FNIP1: variants seen among roughly 807,000 people sequenced by gnomAD.
The protein encoded by FNIP1 is folliculin-interacting protein 1.
In FNIP1, 40 loss-of-function variants were observed where a neutral mutation model predicts 124.5. That is an observed-to-expected ratio of 0.32 (90% CI 0.25 to 0.42). The LOEUF is 0.42. Ranked by LOEUF, FNIP1 falls within the 10% of genes least tolerant of loss-of-function variation. The probability of loss-of-function intolerance (pLI) is 1.00; values close to 1 mark genes in which losing one functional copy is unlikely to be tolerated. For missense variants in FNIP1, 1,176 were observed against 1,403.7 expected (o/e 0.84, Z 2.59); for synonymous variants, 472 against 470.6 (o/e 1.00, Z -0.04).
intron 3 of FNIP1, among the ~76,000 whole-genome samples, chr5:131,725,766 T>C (rs1033308329): frequency 1.3e-5 from 2 of 152,198 alleles, no homozygotes; most frequent in Non-Finnish European, 2.9e-5. Flanking sequence ...GATATCCTTA[T>C]CTTGTGCTGG....
intron 11 of FNIP1, among the ~76,000 whole-genome samples, chr5:131,693,032 A>T (rs1246417012): frequency 1.3e-5 from 2 of 151,092 alleles, no homozygotes; most frequent in African/African-American, 2.4e-5. Context: ...AAAAAAAAAA[A>T]TTTCAGGGCT....
rs1464608530 is a variant in FNIP1 at position 131,796,938 on chromosome 5, C to A, written c.-17G>T. ...AGGGGCCATGCTAGCCACGGCCAGGCAGGGGTCGCTCCGCTGGGCGCTTGC... is the reference window on the plus strand; with the variant it reads ...AGGGGCCATGCTAGCCACGGCCAGGAAGGGGTCGCTCCGCTGGGCGCTTGC... On this transcript the variant is annotated 5_prime_UTR_variant, in exon 1 of 18. Transcript: ENST00000510461. 8 of 1,587,932 alleles carry A rather than the reference C, an allele frequency of 5.0e-6. No homozygotes were observed. In the Admixed American group the frequency reaches 1.4e-4, roughly 28 times the overall value.
At chr5:131,774,869 G>C (rs1023530989) in intron 1 of FNIP1, among the ~76,000 whole-genome samples, 2 of 152,164 alleles carry the variant, frequency 1.3e-5, no homozygotes, top group Admixed American at 6.5e-5. Flanking sequence ...TCTAAAGTCA[G>C]ACATATGATA....
At chr5:131,736,815 G>C (rs1257741030) in intron 2 of FNIP1, among the ~76,000 whole-genome samples, 1 of 152,126 alleles carries the variant, frequency 6.6e-6, no homozygotes, top group Non-Finnish European at 1.5e-5. Context: ...CTGAATTTTT[G>C]CTGTATTGTG....
At chr5:131,764,506 T>C (rs1179150496) in intron 1 of FNIP1, among the ~76,000 whole-genome samples, 3 of 152,056 alleles carry the variant, frequency 2.0e-5, no homozygotes, top group Non-Finnish European at 2.9e-5. Flanking sequence ...GGTTTCGCCA[T>C]GTTGCCCAGG....
chr5:131,786,243 CTTCT>C (rs1427026889), intron 1 of FNIP1, among the ~76,000 whole-genome samples: 1 of 152,094 alleles, frequency 6.6e-6, no homozygotes, highest in Admixed American at 6.6e-5. Context: ...TATTGAATGC[CTTCT>C]TTGAGCTGGA....
At chr5:131,779,200 T>C (rs1447478843) in intron 1 of FNIP1, among the ~76,000 whole-genome samples, 1 of 150,038 alleles carries the variant, frequency 6.7e-6, no homozygotes, top group Non-Finnish European at 1.5e-5. Context: ...ATATGGAACA[T>C]TCTATAGACA....
At position 131,754,273 on chromosome 5, in the gene FNIP1, A is replaced by T. The variant is rs1440127242; in HGVS notation, c.93-9583T>A. On this transcript the variant is annotated intron_variant, in intron 1 of 17. Coordinates refer to ENST00000510461, the MANE Select transcript of FNIP1 (RefSeq NM_133372.3). The stretch of plus-strand genomic sequence containing the variant: ...TACCATGAAATGCTCAGTCTAACAG[A>T]AAAGACAGACAAATGATTTTATCAA... 3.9e-5 allele frequency among the ~76,000 whole-genome samples: 6 copies of T among 152,268 alleles called. No individual in the cohort carries two copies. The East Asian group carries it at 1.2e-3, about 29-fold the overall frequency.
chr5:131,650,975 C>T (rs1468344180), intron 16 of FNIP1, among the ~76,000 whole-genome samples: 1 of 152,128 alleles, frequency 6.6e-6, no homozygotes, highest in African/African-American at 2.4e-5. Flanking sequence ...CATGACTATA[C>T]TACACATGAT....
In FNIP1 at chr5:131,696,993, C is replaced by T. The variant is rs79481772; in HGVS notation, c.1202+1924G>A. 4.7e-3 allele frequency among the ~76,000 whole-genome samples: 709 copies of T among 152,142 alleles called. 9 individuals carry two copies. Among genetic ancestry groups the T allele is most frequent in the African/African-American group, 0.016 (669 of 41,534 alleles). On this transcript the variant is annotated intron_variant, in intron 11 of 17. Transcript: ENST00000510461. ...TCAATTTAAATCTACCACTCTTTAG[C>T]TCAGTTTTAAAAATGTTTTATATAT... is the stretch of plus-strand genomic sequence containing the variant.
chr5:131,796,576 G>T lies in FNIP1; in HGVS notation c.92+254C>A, dbSNP rs1438633917. On this transcript the variant is annotated intron_variant, in intron 1 of 17. Coordinates refer to ENST00000510461, the MANE Select transcript of FNIP1 (RefSeq NM_133372.3). ...CGGAGGAGCAGAGTCGCGCGTGGCT[G>T]GGGGCAGGTCGTAAACAAACCGACG... The T allele has an allele frequency of 7.5e-6, 4 of 531,208 alleles. No homozygotes were observed. The East Asian group carries it at 1.3e-4, about 18-fold the overall frequency. The allele number at this position is 531,208 out of a possible 1,614,324, so 32.9% of individuals were successfully genotyped here.
intron 15 of FNIP1, 128 bp downstream of exon 15, chr5:131,670,334 TA>T: frequency 1.4e-6 from 1 of 738,962 alleles, no homozygotes; most frequent in Non-Finnish European, 2.1e-6. Context: ...GCACTGAATA[TA>T]AAATGATGGA....
At chr5:131,753,056 G>A (rs2149566823) in intron 1 of FNIP1, among the ~76,000 whole-genome samples, 1 of 152,290 alleles carries the variant, frequency 6.6e-6, no homozygotes, top group Admixed American at 6.5e-5. Context: ...TGGGCAACAA[G>A]AGTGAAACAT....
chr5:131,764,307 C>CTTT (rs77846852), intron 1 of FNIP1, among the ~76,000 whole-genome samples: 15 of 137,070 alleles, frequency 1.1e-4, no homozygotes, highest in African/African-American at 3.2e-4. Flanking sequence ...CCTAAAACAC[C>CTTT]TTTTTTTTTT....
rs114522022 is a variant in FNIP1 at position 131,659,600 on chromosome 5, C to A, written c.3109-7601G>T. 7.1e-3 allele frequency among the ~76,000 whole-genome samples: 1,086 copies of A among 152,228 alleles called. 7 individuals carry two copies. The highest frequency in any genetic ancestry group is 0.024 in the African/African-American group (1,008 of 41,548). ...AGCCACGTCCAGACACAGGATGGCA[C>A]GGGGGAGGGCGTAACCCTCGTAGAT... On this transcript the variant is annotated intron_variant, in intron 15 of 17. Coordinates refer to ENST00000510461, the MANE Select transcript of FNIP1 (RefSeq NM_133372.3).
chr5:131,760,457 G>T (rs1771190115), intron 1 of FNIP1, among the ~76,000 whole-genome samples: 1 of 152,056 alleles, frequency 6.6e-6, no homozygotes, highest in Non-Finnish European at 1.5e-5. Context: ...TGAATTTCAT[G>T]AACCTGTAAA....
intron 11 of FNIP1, among the ~76,000 whole-genome samples, chr5:131,688,768 T>A (rs1488397495): frequency 6.9e-6 from 1 of 144,190 alleles, no homozygotes; most frequent in East Asian, 2.0e-4. Flanking sequence ...AGACTGGACA[T>A]GACCAAGGAA....
chr5:131,749,532 C>T (rs1270296062), intron 1 of FNIP1, among the ~76,000 whole-genome samples: 1 of 151,856 alleles, frequency 6.6e-6, no homozygotes, highest in Admixed American at 6.6e-5. Flanking sequence ...GCTGGGTTTA[C>T]AGGCGTGTGC....
intron 1 of FNIP1, among the ~76,000 whole-genome samples, chr5:131,793,433 G>A (rs1454749302): frequency 6.6e-6 from 1 of 152,098 alleles, no homozygotes; most frequent in Non-Finnish European, 1.5e-5. Flanking sequence ...TTTTCTACTA[G>A]AAACAGCCTT....
Sources: gnomAD v4.1 joint callset for allele counts (sites outside exome capture counted in the v4.1 genomes callset) on GRCh38, gnomAD v4.1.1 for gene constraint, MANE v1.5 for transcripts, NCBI Gene and HGNC (gene_info 2026-07-23, HGNC 2026-07-21) for gene names.